The following C3orf18 variants were observed in gnomAD, a reference collection of about 807,000 sequenced individuals.
The protein encoded by C3orf18 is uncharacterized protein C3orf18.
Under a neutral mutation model 14.1 loss-of-function variants are expected in C3orf18, and 12 were observed. The observed-to-expected ratio is 0.85, with a 90% CI of 0.55 to 1.38. The LOEUF (loss-of-function observed/expected upper bound fraction) is 1.38, where lower values mean the gene tolerates loss of function less well. C3orf18 is among the 40% of genes most tolerant of loss of function. The probability of loss-of-function intolerance (pLI) is 0.00; values close to 1 mark genes in which losing one functional copy is unlikely to be tolerated. For synonymous variants in C3orf18, 82 were observed against 87.9 expected (o/e 0.93, Z 0.38); for missense variants, 196 against 213.9 (o/e 0.92, Z 0.52).
chr3:50,565,896 G>C lies in C3orf18; in HGVS notation c.-162-35C>G, dbSNP rs933443144. Reference sequence around the variant, plus strand: ...AAAGAATAAGAAACATGAGGCTAAGGACAGGGGCTCAGTAGTGAGATGAAG... The same window carrying C: ...AAAGAATAAGAAACATGAGGCTAAGCACAGGGGCTCAGTAGTGAGATGAAG... On this transcript the variant is annotated intron_variant, in intron 2 of 5. Transcript: ENST00000357203. This position sits in a 1 kb window ranked among gnomAD's most constrained non-coding sequence, Gnocchi z 4.4. 1.7e-5 allele frequency: 10 copies of C among 591,180 alleles called. No individual in the cohort carries two copies. Among genetic ancestry groups the C allele is most frequent in the Non-Finnish European group, 3.0e-5 (10 of 331,478 alleles). 36.6% of individuals were successfully genotyped at this position (591,180 alleles called of 1,614,324 possible).
At chr3:50,571,865 C>A, upstream of C3orf18, 1 of 1,513,360 alleles carries the variant, frequency 6.6e-7, no homozygotes, top group Non-Finnish European at 9.2e-7. Context: ...CCTCCCCTAT[C>A]CCCACCAAGT....
At chr3:50,571,215 G>C, upstream of C3orf18, 2 of 1,613,928 alleles carry the variant, frequency 1.2e-6, no homozygotes, top group Non-Finnish European at 1.7e-6. Context: ...CTCTGGCTGG[G>C]TTATCCAGTG....
Position 50,559,622 on chromosome 3 carries a change from G to A in C3orf18, c.*35C>T. 6.6e-7 allele frequency: 1 copy of A among 1,524,984 alleles called. No homozygotes were observed. 94.5% of individuals were successfully genotyped at this position (1,524,984 alleles called of 1,614,324 possible). ...GGGAGCTCTGTAGGCACCGTGATGGGTCTCTATCAGAAGTCCAGGCTTGTC... is the reference window on the plus strand; with the variant it reads ...GGGAGCTCTGTAGGCACCGTGATGGATCTCTATCAGAAGTCCAGGCTTGTC... On this transcript the variant is annotated 3_prime_UTR_variant, in exon 6 of 6. Coordinates refer to ENST00000357203, the MANE Select transcript of C3orf18 (RefSeq NM_016210.5).
Position 50,565,842 on chromosome 3 carries a change from GC to G in C3orf18, c.-144del. Reference sequence around the variant, plus strand: ...ACAGCCACCTCCTTGGATAAAGGGAGCCCCCTGCCTTCCTGGGTGCTAGAAA... The same window carrying G: ...ACAGCCACCTCCTTGGATAAAGGGAGCCCCTGCCTTCCTGGGTGCTAGAAA... On this transcript the variant is annotated 5_prime_UTR_variant, in exon 3 of 6. Transcript: ENST00000357203. This position sits in a 1 kb window ranked among gnomAD's most constrained non-coding sequence, Gnocchi z 4.4. 2 of 616,322 alleles carry G rather than the reference GC, an allele frequency of 3.2e-6. No homozygotes were observed. 38.2% of individuals were successfully genotyped at this position (616,322 alleles called of 1,614,324 possible). A position where few individuals can be genotyped will look rare whatever the true frequency, so the allele number is the denominator to read the frequency against.
Position 50,558,571 on chromosome 3 carries a change from AC to A in C3orf18, c.*1085del. ...ATGTTTTTCTGAAGTGCAATCCCTCACCCACTTTCAGGCAGTCATAACTGCC... is the reference window on the plus strand; with the variant it reads ...ATGTTTTTCTGAAGTGCAATCCCTCACCACTTTCAGGCAGTCATAACTGCC... On this transcript the variant is annotated 3_prime_UTR_variant, in exon 6 of 6. Coordinates refer to ENST00000357203, the MANE Select transcript of C3orf18 (RefSeq NM_016210.5). The A allele has an allele frequency of 1.6e-6, 1 of 613,452 alleles. No homozygotes were observed. The highest frequency in any genetic ancestry group is 2.4e-6 in the Non-Finnish European group (1 of 415,020). 38.0% of individuals were successfully genotyped at this position (613,452 alleles called of 1,614,324 possible). A position where few individuals can be genotyped will look rare whatever the true frequency, so the allele number is the denominator to read the frequency against.
upstream of C3orf18, chr3:50,569,748 C>G (rs1027803975): frequency 1.3e-4 from 20 of 152,326 alleles, no homozygotes; most frequent in African/African-American, 4.8e-4. Flanking sequence ...CTTCTGACTT[C>G]GGGCCTTGGC....
At position 50,565,208 on chromosome 3, in the gene C3orf18, A is replaced by C. The variant is rs1375107418; in HGVS notation, c.234+258T>G. Among the ~76,000 whole-genome samples, 1 of 152,078 alleles carries C rather than the reference A, an allele frequency of 6.6e-6. No individual in the cohort carries two copies. Reference sequence around the variant, plus strand: ...ATAGCGAAACCCCATCTCTACTAAAAATACAAAAATTAGCCGGGCGTGGCA... The same window carrying C: ...ATAGCGAAACCCCATCTCTACTAAACATACAAAAATTAGCCGGGCGTGGCA... On this transcript the variant is annotated intron_variant, in intron 3 of 5. Coordinates refer to ENST00000357203, the MANE Select transcript of C3orf18 (RefSeq NM_016210.5). This position sits in a 1 kb window ranked among gnomAD's most constrained non-coding sequence, Gnocchi z 4.4.
chr3:50,565,963 G>A lies in C3orf18; in HGVS notation c.-163+43C>T. ...AAGCACTGGGGAGGTAAAGGTTTGA[G>A]GGCAAGAATGAGGGTAAGTTCAGGA... On this transcript the variant is annotated intron_variant, in intron 2 of 5. Transcript: ENST00000357203. This position sits in a 1 kb window ranked among gnomAD's most constrained non-coding sequence, Gnocchi z 4.4. 2.0e-6 allele frequency: 1 copy of A among 510,410 alleles called. No homozygotes were observed. Among genetic ancestry groups the A allele is most frequent in the Non-Finnish European group, 3.5e-6 (1 of 283,958 alleles). 31.6% of individuals were successfully genotyped at this position (510,410 alleles called of 1,614,324 possible).
At chr3:50,560,765 A>G (rs1699915369) in intron 5 of C3orf18, 152 bp downstream of exon 5, 3 of 862,952 alleles carry the variant, frequency 3.5e-6, no homozygotes, top group African/African-American at 3.4e-5. Context: ...CAATATGACC[A>G]CTTTCTGAAC....
Position 50,565,561 on chromosome 3 carries a change from T to G in C3orf18, c.139A>C (p.Thr47Pro). ...CCACCAGCTGCATCAGGGATTCTGG[T>G]GTCATTAAAGGTGGTGGCCTCTGGG... ...LSPEATTFND[T>P]RIPDAAGGTA... Residue 47 changes from threonine to proline, a missense_variant, in exon 3 of 6, where the codon ACC becomes CCC. Transcript: ENST00000357203. The surrounding 1 kb of genome is among the most constrained non-coding windows in gnomAD (Gnocchi z 4.4). The G allele has an allele frequency of 6.2e-7, 1 of 1,613,522 alleles. No individual in the cohort carries two copies. The highest frequency in any genetic ancestry group is 8.5e-7 in the Non-Finnish European group (1 of 1,179,898).
upstream of C3orf18, chr3:50,571,767 T>C: frequency 6.2e-7 from 1 of 1,614,138 alleles, no homozygotes. Flanking sequence ...GCAACTACAG[T>C]GTATCCGGGA....
Position 50,558,186 on chromosome 3 carries a change from A to G in C3orf18, c.*1471T>C, listed in dbSNP as rs1699770352. ...AGGGAATAAATCCAGAACCTTCCCC[A>G]TGGGGGCTTCCTAGGCCTTTCCCTC... On this transcript the variant is annotated 3_prime_UTR_variant, in exon 6 of 6. Transcript: ENST00000357203. 6.5e-6 allele frequency: 1 copy of G among 154,710 alleles called. No homozygotes were observed. The highest frequency in any genetic ancestry group is 6.4e-5 in the Admixed American group (1 of 15,680). The allele number at this position is 154,710 out of a possible 1,614,324, so 9.6% of individuals were successfully genotyped here.
chr3:50,573,541 T>C (rs1384042806), upstream of C3orf18, among the ~76,000 whole-genome samples: 1 of 152,192 alleles, frequency 6.6e-6, no homozygotes, highest in Non-Finnish European at 1.5e-5. Context: ...TGTGGCCCCC[T>C]GATTCTTGGA....
At chr3:50,561,902 C>CT (rs1490599151) in intron 3 of C3orf18, 155 bp from the exon 4 acceptor site, 1 of 697,874 alleles carries the variant, frequency 1.4e-6, no homozygotes, top group South Asian at 1.7e-5. Flanking sequence ...ACCTTCATGC[C>CT]TCTTTTTTTT....
At position 50,559,337 on chromosome 3, in the gene C3orf18, G is replaced by A. The variant is rs1351048227; in HGVS notation, c.*320C>T. On this transcript the variant is annotated 3_prime_UTR_variant, in exon 6 of 6. Transcript: ENST00000357203. Reference sequence around the variant, plus strand: ...CTCCCTCATTTCCTCCACATTAGCGGGGCAGACCCTGATGTGAGGGATCTG... The same window carrying A: ...CTCCCTCATTTCCTCCACATTAGCGAGGCAGACCCTGATGTGAGGGATCTG... 2.3e-6 allele frequency: 3 copies of A among 1,282,692 alleles called. No individual in the cohort carries two copies. In the Admixed American group the frequency reaches 9.4e-5, roughly 40 times the overall value. The allele number at this position is 1,282,692 out of a possible 1,614,324, so 79.5% of individuals were successfully genotyped here.
intron 3 of C3orf18, chr3:50,562,400 A>G: frequency 2.2e-6 from 1 of 448,640 alleles, no homozygotes; most frequent in Non-Finnish European, 4.5e-6. Context: ...TGAAGAAGAA[A>G]GGGAAAACTT....
At chr3:50,571,599 G>A, upstream of C3orf18, 1 of 1,019,192 alleles carries the variant, frequency 9.8e-7, no homozygotes, top group Admixed American at 1.7e-5. Context: ...CCCAGATGAT[G>A]AGAGGGTTGG....
intron 1 of C3orf18, among the ~76,000 whole-genome samples, chr3:50,566,461 C>T (rs145478847): frequency 4.6e-5 from 7 of 151,972 alleles, no homozygotes; most frequent in South Asian, 2.1e-4. Context: ...AAACAGGTGT[C>T]GAAGAAAGAC....
In C3orf18 at chr3:50,559,726, G is replaced by A. The variant is rs1255234881; in HGVS notation, c.420C>T (p.Pro140=). The change falls in exon 6 of 6, where the codon CCC becomes CCT. Residue 140 remains proline, a synonymous_variant. Transcript: ENST00000357203. ...TGGGTCTCTGCAGTGGGCCCTGGGA[G>A]GGCAGAGTAGTCTGCAGGAAGACAG... is the stretch of plus-strand genomic sequence containing the variant. ...VQAMQGKTTL[P]SQGPLQRPSR... 6.3e-7 allele frequency: 1 copy of A among 1,588,670 alleles called. No individual in the cohort carries two copies. The highest frequency in any genetic ancestry group is 1.2e-5 in the South Asian group (1 of 86,916).
Sources: gnomAD v4.1 joint callset for allele counts (sites outside exome capture counted in the v4.1 genomes callset) on GRCh38, gnomAD v4.1.1 for gene constraint, Gnocchi (gnomAD v3.1) non-coding constraint, MANE v1.5 for transcripts, NCBI Gene and HGNC (gene_info 2026-07-23, HGNC 2026-07-21) for gene names.